PRKG1: variants seen among roughly 807,000 people sequenced by gnomAD.
The protein encoded by PRKG1 is protein kinase cGMP-dependent 1.
A neutral mutation model predicts 88.1 loss-of-function variants in PRKG1; 35 were observed. That is an observed-to-expected ratio of 0.40 (90% CI 0.30 to 0.53). The LOEUF is 0.53. PRKG1 is among the 20% of genes least tolerant of loss of function. The pLI is 0.59. For missense variants in PRKG1, 540 were observed against 839.8 expected (o/e 0.64, Z 4.41); for synonymous variants, 303 against 292.5 (o/e 1.04, Z -0.37).
intron 2 of PRKG1, among the ~76,000 whole-genome samples, chr10:51,304,384 A>C (rs964208785): frequency 1.3e-5 from 2 of 152,210 alleles, no homozygotes; most frequent in Admixed American, 6.5e-5. Context: ...GTAATAATTA[A>C]GTTGAATATC....
intron 1 of PRKG1, among the ~76,000 whole-genome samples, chr10:50,999,496 G>T (rs1273047270): frequency 6.6e-6 from 1 of 152,058 alleles, no homozygotes; most frequent in Non-Finnish European, 1.5e-5. Context: ...TTCCTTTTTA[G>T]TCCAATTTAG....
At chr10:51,979,445 TCTGCCA>T (rs1843946021) in intron 5 of PRKG1, among the ~76,000 whole-genome samples, 1 of 143,466 alleles carries the variant, frequency 7.0e-6, no homozygotes, top group African/African-American at 2.6e-5. Flanking sequence ...CTGTTTTGTC[TCTGCCA>T]GGTTTTGGTA....
chr10:52,288,438 TAGA>T (rs1022006730), intron 14 of PRKG1, among the ~76,000 whole-genome samples: 2 of 151,926 alleles, frequency 1.3e-5, no homozygotes, highest in African/African-American at 4.8e-5. Flanking sequence ...GGTCAGAGAG[TAGA>T]AGAAGCATCT....
rs371951103 is a variant in PRKG1 at position 52,218,622 on chromosome 10, A to T, written c.1077-32948A>T. On this transcript the variant is annotated intron_variant, in intron 9 of 17. Transcript: ENST00000373980. ...AAGTCTTAACTTCTAAACAATTTAG[A>T]CTTTTAAAAATTATATAAATTCTAC... is the stretch of plus-strand genomic sequence containing the variant. Among the ~76,000 whole-genome samples the T allele has an allele frequency of 4.6e-5, 7 of 152,316 alleles. 1 individual carries two copies. The East Asian group carries it at 1.2e-3, about 25-fold the overall frequency.
chr10:52,190,950 CTT>C (rs1839347048), intron 9 of PRKG1, among the ~76,000 whole-genome samples: 4 of 152,176 alleles, frequency 2.6e-5, no homozygotes, highest in Admixed American at 2.6e-4. Flanking sequence ...ACTACTGACA[CTT>C]TCCTACATAA....
At chr10:51,262,171 C>G (rs558374672) in intron 2 of PRKG1, among the ~76,000 whole-genome samples, 13 of 152,046 alleles carry the variant, frequency 8.6e-5, no homozygotes, top group African/African-American at 3.1e-4. Context: ...CAGGCTTGAG[C>G]CACTGTGCCC....
chr10:51,169,876 C>T (rs1349633747), intron 2 of PRKG1, among the ~76,000 whole-genome samples: 1 of 152,054 alleles, frequency 6.6e-6, no homozygotes, highest in Non-Finnish European at 1.5e-5. Context: ...CATTGATCTG[C>T]CCTGCTTCCC....
At chr10:51,455,359 G>A (rs551430745) in intron 2 of PRKG1, among the ~76,000 whole-genome samples, 1 of 152,340 alleles carries the variant, frequency 6.6e-6, no homozygotes, top group African/African-American at 2.4e-5. Context: ...TTTCCCCATT[G>A]TTTTGGTGAT....
intron 2 of PRKG1, among the ~76,000 whole-genome samples, chr10:51,371,601 A>C (rs1204794630): frequency 1.3e-5 from 2 of 152,150 alleles, no homozygotes; most frequent in African/African-American, 4.8e-5. Flanking sequence ...TGCTTTTGTG[A>C]GTAACACTCC....
intron 1 of PRKG1, among the ~76,000 whole-genome samples, chr10:51,018,801 G>A (rs146536664): frequency 2.0e-5 from 3 of 152,268 alleles, no homozygotes; most frequent in Non-Finnish European, 4.4e-5. Context: ...ACATTGACTC[G>A]ATACGAGTAC....
At chr10:51,300,706 G>C (rs1287072219) in intron 2 of PRKG1, among the ~76,000 whole-genome samples, 1 of 152,160 alleles carries the variant, frequency 6.6e-6, no homozygotes, top group Non-Finnish European at 1.5e-5. Context: ...ACAAAACAAT[G>C]TTCTTCTTGT....
At chr10:51,459,200 A>T (rs1839675426) in intron 2 of PRKG1, among the ~76,000 whole-genome samples, 1 of 152,060 alleles carries the variant, frequency 6.6e-6, no homozygotes, top group Admixed American at 6.6e-5. Flanking sequence ...TCAAGCTTTC[A>T]TCTTCCCCCA....
intron 1 of PRKG1, among the ~76,000 whole-genome samples, chr10:51,035,310 C>G (rs188394558): frequency 2.8e-4 from 42 of 152,242 alleles, no homozygotes; most frequent in African/African-American, 9.1e-4. Context: ...TTGTAACTAA[C>G]AAAATTAAGT....
At chr10:52,051,082 T>C (rs1011395198) in intron 5 of PRKG1, among the ~76,000 whole-genome samples, 20 of 152,110 alleles carry the variant, frequency 1.3e-4, no homozygotes, top group Admixed American at 1.2e-3. Context: ...GGCCTCAAAA[T>C]GTCAATAGTG....
intron 4 of PRKG1, among the ~76,000 whole-genome samples, chr10:51,812,590 T>A (rs1024141549): frequency 2.6e-5 from 4 of 152,148 alleles, no homozygotes; most frequent in Non-Finnish European, 5.9e-5. Flanking sequence ...ACCATGACTT[T>A]TTTTGGTGCA....
chr10:52,080,973 G>T (rs999444277), intron 7 of PRKG1, among the ~76,000 whole-genome samples: 2 of 152,056 alleles, frequency 1.3e-5, no homozygotes, highest in African/African-American at 4.8e-5. Context: ...GATAGAATAG[G>T]CTGAGGCCTC....
At chr10:52,264,925 C>A (rs961140903) in intron 10 of PRKG1, among the ~76,000 whole-genome samples, 1 of 151,966 alleles carries the variant, frequency 6.6e-6, no homozygotes, top group Non-Finnish European at 1.5e-5. Flanking sequence ...TCAGAGAGGA[C>A]CATCATGTTT....
intron 3 of PRKG1, among the ~76,000 whole-genome samples, chr10:51,743,833 C>T (rs1837510293): frequency 6.9e-6 from 1 of 144,982 alleles, no homozygotes; most frequent in South Asian, 2.2e-4. Flanking sequence ...TACTGTTTAG[C>T]AAATGTAACA....
At chr10:52,077,668 T>G (rs926590796) in intron 7 of PRKG1, among the ~76,000 whole-genome samples, 1 of 152,102 alleles carries the variant, frequency 6.6e-6, no homozygotes, top group African/African-American at 2.4e-5. Context: ...CCACTATCAC[T>G]TTCATGGTTC....
Sources: gnomAD v4.1 joint callset for allele counts (sites outside exome capture counted in the v4.1 genomes callset) on GRCh38, gnomAD v4.1.1 for gene constraint, MANE v1.5 for transcripts, NCBI Gene and HGNC (gene_info 2026-07-23, HGNC 2026-07-21) for gene names.